Variants in MAL observed in about 807,000 individuals in gnomAD.
MAL encodes mal, T cell differentiation protein (MAL blood group).
MAL carries 5 observed loss-of-function variants against 16.7 expected under a neutral mutation model. That is an observed-to-expected ratio of 0.30 (90% CI 0.16 to 0.63). MAL has a LOEUF of 0.63. Among genes scored for constraint, MAL ranks in the 30% least tolerant of loss-of-function variants. The pLI, the probability that MAL is intolerant of heterozygous loss-of-function variation, is 0.82. For missense variants in MAL, 202 were observed against 195.8 expected (o/e 1.03, Z -0.19); for synonymous variants, 96 against 85.5 (o/e 1.12, Z -0.67).
intron 1 of MAL, among the ~76,000 whole-genome samples, chr2:95,046,499 C>T (rs1674587945): frequency 6.6e-6 from 1 of 152,138 alleles, no homozygotes. Flanking sequence ...CAGTGAGGAA[C>T]GGAGTTTGTA....
At chr2:95,044,027 C>G (rs1431491106) in intron 1 of MAL, among the ~76,000 whole-genome samples, 2 of 152,202 alleles carry the variant, frequency 1.3e-5, no homozygotes, top group African/African-American at 2.4e-5. Context: ...ATGAGACACA[C>G]TCACCCAGGG....
intron 1 of MAL, among the ~76,000 whole-genome samples, chr2:95,032,963 G>A (rs1261235169): frequency 6.6e-6 from 1 of 152,184 alleles, no homozygotes; most frequent in African/African-American, 2.4e-5. Context: ...AGGAAAGCCT[G>A]TCACCAGCCA....
intron 1 of MAL, among the ~76,000 whole-genome samples, chr2:95,027,305 G>C (rs141198927): frequency 6.6e-6 from 1 of 152,316 alleles, no homozygotes; most frequent in Non-Finnish European, 1.5e-5. Context: ...TTACAGGGGC[G>C]TGGGAAACCT....
intron 1 of MAL, among the ~76,000 whole-genome samples, chr2:95,045,519 C>T (rs1392460924): frequency 6.6e-6 from 1 of 152,222 alleles, no homozygotes; most frequent in Admixed American, 6.5e-5. Flanking sequence ...TCAGGGAAAG[C>T]GCCATGTTAT....
chr2:95,030,524 C>A (rs2104329094), intron 1 of MAL, among the ~76,000 whole-genome samples: 1 of 152,338 alleles, frequency 6.6e-6, no homozygotes, highest in South Asian at 2.1e-4. Context: ...ACAGGGAAGG[C>A]TTTCTGTCTC....
Position 95,049,585 on chromosome 2 carries a change from C to T in MAL, c.266C>T (p.Ala89Val). 1 of 1,614,184 alleles carries T rather than the reference C, an allele frequency of 6.2e-7. No homozygotes were observed. Among genetic ancestry groups the T allele is most frequent in the Non-Finnish European group, 8.5e-7 (1 of 1,180,010 alleles). The stretch of plus-strand genomic sequence containing the variant: ...GACACCCCGTCTGCCCCATAGGACG[C>T]AGCCTACCACTGCACCGCTGCCCTC... ...GGETSWVTLDAAYHCTAALFY... is the reference protein window; with the variant it reads ...GGETSWVTLDVAYHCTAALFY... The change falls in exon 3 of 4, where the codon GCA becomes GTA. Residue 89 changes from alanine (A) to valine (V), a missense_variant. Physicochemically the swap from Ala to Val is moderately conservative, Grantham distance 64. Coordinates refer to ENST00000309988, the MANE Select transcript of MAL (RefSeq NM_002371.4).
At chr2:95,038,891 AGTGG>A in intron 1 of MAL, among the ~76,000 whole-genome samples, 1 of 151,028 alleles carries the variant, frequency 6.6e-6, no homozygotes. Context: ...TGAGTGACTG[AGTGG>A]GTGAGTGAGT....
At chr2:95,035,981 T>C (rs1028486374) in intron 1 of MAL, among the ~76,000 whole-genome samples, 2 of 152,166 alleles carry the variant, frequency 1.3e-5, no homozygotes, top group African/African-American at 4.8e-5. Flanking sequence ...AGCTCTTCGA[T>C]CTTTTAATCC....
chr2:95,036,675 GACTA>G (rs1297620158), intron 1 of MAL, among the ~76,000 whole-genome samples: 20 of 152,234 alleles, frequency 1.3e-4, no homozygotes, highest in Admixed American at 3.9e-4. Flanking sequence ...GTGACTGAGT[GACTA>G]ACTGAGTGAC....
intron 1 of MAL, chr2:95,044,165 A>G (rs1436841355): frequency 2.0e-5 from 3 of 152,260 alleles, no homozygotes; most frequent in African/African-American, 7.2e-5. Flanking sequence ...GTGAGCCACA[A>G]AAGTCCATAT....
intron 2 of MAL, among the ~76,000 whole-genome samples, chr2:95,048,710 GCCATTTGGCCAA>G (rs1674646175): frequency 6.6e-6 from 1 of 152,242 alleles, no homozygotes; most frequent in Non-Finnish European, 1.5e-5. Flanking sequence ...GGGTGGTGGG[GCCATTTGGCCAA>G]GGCTGTCACT....
At chr2:95,038,752 CTGACTGAGTGAG>C (rs1267814501) in intron 1 of MAL, among the ~76,000 whole-genome samples, 6 of 127,892 alleles carry the variant, frequency 4.7e-5, no homozygotes, top group African/African-American at 1.2e-4. Flanking sequence ...AAGTGACTGA[CTGACTGAGTGAG>C]TGACTGAGTG....
At chr2:95,042,997 A>C (rs1464971838) in intron 1 of MAL, among the ~76,000 whole-genome samples, 1 of 152,220 alleles carries the variant, frequency 6.6e-6, no homozygotes, top group Non-Finnish European at 1.5e-5. Flanking sequence ...CTTTGCACAC[A>C]GCGGGGCTGG....
intron 1 of MAL, among the ~76,000 whole-genome samples, chr2:95,032,527 C>A (rs1284905950): frequency 6.6e-6 from 1 of 152,182 alleles, no homozygotes; most frequent in Non-Finnish European, 1.5e-5. Context: ...ATAGGACACC[C>A]CAGAGGGTGT....
chr2:95,045,368 A>C (rs1235449506), intron 1 of MAL, among the ~76,000 whole-genome samples: 1 of 152,192 alleles, frequency 6.6e-6, no homozygotes, highest in Non-Finnish European at 1.5e-5. Flanking sequence ...AAGTGGCTCT[A>C]GTTCAGCCAC....
At chr2:95,039,600 CTGAG>C (rs540280681) in intron 1 of MAL, among the ~76,000 whole-genome samples, 162 of 126,630 alleles carry the variant, frequency 1.3e-3, no homozygotes, top group Non-Finnish European at 1.9e-3. Flanking sequence ...GGGTGAGTGA[CTGAG>C]TGAGTGAGTG....
chr2:95,048,532 A>G (rs1377045412), intron 2 of MAL, among the ~76,000 whole-genome samples: 1 of 152,226 alleles, frequency 6.6e-6, no homozygotes, highest in African/African-American at 2.4e-5. Context: ...TCTGAGGGTC[A>G]GGCCATGCTT....
intron 1 of MAL, among the ~76,000 whole-genome samples, chr2:95,047,460 C>A (rs1674616714): frequency 6.6e-6 from 1 of 152,212 alleles, no homozygotes; most frequent in South Asian, 2.1e-4. Context: ...GTGGCTCACG[C>A]CTGTAATCCC....
intron 2 of MAL, among the ~76,000 whole-genome samples, chr2:95,049,190 G>A (rs532048492): frequency 3.8e-4 from 57 of 149,858 alleles, no homozygotes; most frequent in Admixed American, 1.6e-3. Context: ...AAAACAAAAC[G>A]AAAGAAACAG....
Sources: gnomAD v4.1 joint callset for allele counts (sites outside exome capture counted in the v4.1 genomes callset) on GRCh38, gnomAD v4.1.1 for gene constraint, MANE v1.5 for transcripts, NCBI Gene and HGNC (gene_info 2026-07-23, HGNC 2026-07-21) for gene names.